Variants in PRDM5 observed in about 807,000 individuals in gnomAD.
PRDM5 encodes the protein PR domain zinc finger protein 5.
PRDM5 carries 56 observed loss-of-function variants against 81.2 expected under a neutral mutation model. The observed-to-expected ratio is 0.69, with a 90% CI of 0.56 to 0.86. The LOEUF (loss-of-function observed/expected upper bound fraction) is 0.86. PRDM5 is among the 40% of genes least tolerant of loss of function. PRDM5 has a pLI of 0.00. For synonymous variants in PRDM5, 267 were observed against 256.4 expected (o/e 1.04, Z -0.39); for missense variants, 697 against 770.1 (o/e 0.91, Z 1.12).
Position 120,754,588 on chromosome 4 carries a change from C to G in PRDM5, c.1588G>C (p.Asp530His). 6.2e-7 allele frequency: 1 copy of G among 1,600,164 alleles called. No individual in the cohort carries two copies. Among genetic ancestry groups the G allele is most frequent in the African/African-American group, 1.3e-5 (1 of 74,698 alleles). Residue 530 changes from aspartate (D) to histidine (H), a missense_variant, in exon 14 of 16, where the codon GAT (aspartate) becomes CAT (histidine). Coordinates refer to ENST00000264808, the MANE Select transcript of PRDM5 (RefSeq NM_018699.4). ...PYCEKGFSKN[D>H]GLKMHIRTHT... is the part of the protein sequence containing the mutation. ...GTACGAATGTGCATCTTCAGTCCAT[C>G]ATTTTTACTGAATCCTTTTTCACAG... is the stretch of plus-strand genomic sequence containing the variant.
chr4:120,916,201 C>T (rs961742884), intron 1 of PRDM5, among the ~76,000 whole-genome samples: 1 of 151,972 alleles, frequency 6.6e-6, no homozygotes, highest in East Asian at 1.9e-4. Context: ...TCAGCCTCAC[C>T]AACATGGTAA....
intron 3 of PRDM5, among the ~76,000 whole-genome samples, chr4:120,840,386 G>T (rs1411733891): frequency 3.3e-5 from 5 of 152,098 alleles, no homozygotes; most frequent in African/African-American, 1.2e-4. Context: ...GGAATGTCAG[G>T]CTTGGCAGTC....
At chr4:120,892,930 C>T (rs1405139080) in intron 2 of PRDM5, among the ~76,000 whole-genome samples, 2 of 152,176 alleles carry the variant, frequency 1.3e-5, no homozygotes, top group Admixed American at 1.3e-4. Context: ...AGAAGCAGGA[C>T]CACTGGGCCA....
chr4:120,730,041 G>A (rs555657436), intron 14 of PRDM5, among the ~76,000 whole-genome samples: 2 of 152,260 alleles, frequency 1.3e-5, no homozygotes, highest in East Asian at 1.9e-4. Flanking sequence ...CATTCAATAC[G>A]GAACATAATA....
chr4:120,788,896 A>T lies in PRDM5; in HGVS notation c.1189-3805T>A, dbSNP rs577311142. On this transcript the variant is annotated intron_variant, in intron 10 of 15. Transcript: ENST00000264808. ...ACTGGAAGACATTGAGAAGCCACCTAATTTAAGTAAGGCACAGTAAGATGC... is the reference window on the plus strand; with the variant it reads ...ACTGGAAGACATTGAGAAGCCACCTTATTTAAGTAAGGCACAGTAAGATGC... Among the ~76,000 whole-genome samples, 4 of 152,242 alleles carry T rather than the reference A, an allele frequency of 2.6e-5. No individual in the cohort carries two copies. In the South Asian group the frequency reaches 8.3e-4, roughly 32 times the overall value.
At position 120,692,294 on chromosome 4, in the gene PRDM5, G is replaced by C. The variant is rs1734104584; in HGVS notation, c.*2817C>G. On this transcript the variant is annotated 3_prime_UTR_variant, in exon 16 of 16. Transcript: ENST00000264808. ...ATGAGTTGACTGTAATAGGTCAGAAGATATTTGAGCAAAGTAATGCACTTA... is the reference window on the plus strand; with the variant it reads ...ATGAGTTGACTGTAATAGGTCAGAACATATTTGAGCAAAGTAATGCACTTA... 1 of 152,046 alleles carries C rather than the reference G, an allele frequency of 6.6e-6. No homozygotes were observed. The highest frequency in any genetic ancestry group is 2.1e-4 in the South Asian group (1 of 4,834). The allele number at this position is 152,046 out of a possible 1,614,324, so 9.4% of individuals were successfully genotyped here. A position where few individuals can be genotyped will look rare whatever the true frequency, so the allele number is the denominator to read the frequency against.
chr4:120,752,116 G>A (rs1157386666), intron 14 of PRDM5, among the ~76,000 whole-genome samples: 2 of 152,084 alleles, frequency 1.3e-5, no homozygotes, highest in African/African-American at 2.4e-5. Context: ...ACCTTGCAGA[G>A]GTTGTTCCTC....
chr4:120,857,508 A>T (rs533643696), intron 2 of PRDM5, among the ~76,000 whole-genome samples: 1 of 152,342 alleles, frequency 6.6e-6, no homozygotes, highest in African/African-American at 2.4e-5. Flanking sequence ...GGCAGGGTCT[A>T]GCCTCTGTTG....
chr4:120,921,692 T>C (rs1724943136), intron 1 of PRDM5, among the ~76,000 whole-genome samples: 1 of 152,124 alleles, frequency 6.6e-6, no homozygotes, highest in Non-Finnish European at 1.5e-5. Context: ...GTTATAATAT[T>C]ATAAGATCAA....
At chr4:120,766,739 C>A (rs922138501) in intron 13 of PRDM5, among the ~76,000 whole-genome samples, 1 of 152,152 alleles carries the variant, frequency 6.6e-6, no homozygotes, top group African/African-American at 2.4e-5. Context: ...TGACCTTAGG[C>A]AAATCATTGC....
intron 10 of PRDM5, among the ~76,000 whole-genome samples, chr4:120,795,727 A>G (rs1751256748): frequency 6.6e-6 from 1 of 152,142 alleles, no homozygotes; most frequent in Admixed American, 6.5e-5. Flanking sequence ...AGCCTGGCCA[A>G]TAGGGTGAAA....
intron 2 of PRDM5, among the ~76,000 whole-genome samples, chr4:120,893,258 G>A (rs192093528): frequency 2.4e-4 from 37 of 152,254 alleles, no homozygotes; most frequent in South Asian, 8.3e-4. Context: ...TTCCATGTCC[G>A]AGAGGTTCTC....
chr4:120,741,719 C>G (rs141899903), intron 14 of PRDM5, among the ~76,000 whole-genome samples: 3 of 152,056 alleles, frequency 2.0e-5, no homozygotes, highest in Non-Finnish European at 2.9e-5. Context: ...GCTTTTCCGA[C>G]AGGCTTAAAA....
At chr4:120,766,014 C>T (rs1167061172) in intron 13 of PRDM5, among the ~76,000 whole-genome samples, 1 of 148,742 alleles carries the variant, frequency 6.7e-6, no homozygotes, top group Non-Finnish European at 1.5e-5. Context: ...GGCTGGAGTG[C>T]AATGGCACGA....
intron 14 of PRDM5, among the ~76,000 whole-genome samples, chr4:120,744,655 C>T (rs2149120876): frequency 6.6e-6 from 1 of 152,090 alleles, no homozygotes; most frequent in East Asian, 1.9e-4. Flanking sequence ...ACAAACACCT[C>T]TACGCAAATA....
intron 2 of PRDM5, among the ~76,000 whole-genome samples, chr4:120,859,095 G>T (rs1760255711): frequency 6.6e-6 from 1 of 152,102 alleles, no homozygotes; most frequent in Admixed American, 6.5e-5. Context: ...TGGGTATTTT[G>T]CAATCATAAG....
chr4:120,905,082 A>G (rs1765648158), intron 2 of PRDM5, among the ~76,000 whole-genome samples: 2 of 152,250 alleles, frequency 1.3e-5, no homozygotes, highest in African/African-American at 4.8e-5. Context: ...AGTGAAAGCC[A>G]TTAAAATGTT....
At chr4:120,826,982 C>T (rs1365538529) in intron 3 of PRDM5, among the ~76,000 whole-genome samples, 2 of 152,158 alleles carry the variant, frequency 1.3e-5, no homozygotes, top group Non-Finnish European at 2.9e-5. Flanking sequence ...TCTCTGTACA[C>T]ATAAATATAA....
chr4:120,771,234 A>T (rs1747247593), intron 13 of PRDM5, among the ~76,000 whole-genome samples: 1 of 152,138 alleles, frequency 6.6e-6, no homozygotes. Flanking sequence ...ACCTCTCTTC[A>T]GACTTAGGAA....
Sources: allele counts gnomAD v4.1 joint callset (sites outside exome capture counted in the v4.1 genomes callset), GRCh38; gene constraint gnomAD v4.1.1; transcripts MANE v1.5; gene names NCBI Gene and HGNC (gene_info 2026-07-23, HGNC 2026-07-21).